Variants in SGCD observed in about 807,000 individuals in gnomAD.
SGCD encodes the protein delta-sarcoglycan.
Under a neutral mutation model 36.6 loss-of-function variants are expected in SGCD, and 18 were observed. The observed-to-expected ratio is 0.49, with a 90% CI of 0.34 to 0.73. SGCD has a LOEUF of 0.73. Ranked by LOEUF, SGCD falls within the 30% of genes least tolerant of loss-of-function variation. The pLI is 0.01. For synonymous variants in SGCD, 133 were observed against 130.6 expected (o/e 1.02, Z -0.12); for missense variants, 387 against 346.7 (o/e 1.12, Z -0.92).
chr5:156,390,293 G>A (rs1466586553), intron 3 of SGCD, among the ~76,000 whole-genome samples: 2 of 152,318 alleles, frequency 1.3e-5, no homozygotes, highest in East Asian at 3.9e-4. Flanking sequence ...CATCATAGGA[G>A]ATGACAACTT....
chr5:156,143,196 C>A (rs1561537396), intron 3 of SGCD, among the ~76,000 whole-genome samples: 2 of 152,196 alleles, frequency 1.3e-5, no homozygotes, highest in Non-Finnish European at 2.9e-5. Flanking sequence ...AAACTGTAAG[C>A]CTTGGTGGTT....
intron 3 of SGCD, among the ~76,000 whole-genome samples, chr5:156,280,923 G>A (rs1204168315): frequency 2.0e-5 from 3 of 152,122 alleles, no homozygotes; most frequent in African/African-American, 7.2e-5. Flanking sequence ...AACCCATAGA[G>A]CAAGGTTGCT....
chr5:155,947,358 T>G (rs1349746511), intron 1 of SGCD, among the ~76,000 whole-genome samples: 1 of 150,418 alleles, frequency 6.6e-6, no homozygotes, highest in Non-Finnish European at 1.5e-5. Flanking sequence ...GTTTTTTTTT[T>G]ATTATTAAGA....
At chr5:156,600,128 A>G (rs2113409013) in intron 6 of SGCD, among the ~76,000 whole-genome samples, 1 of 152,314 alleles carries the variant, frequency 6.6e-6, no homozygotes, top group African/African-American at 2.4e-5. Flanking sequence ...TAGCATATTC[A>G]ACACCTTGTG....
At chr5:156,298,432 A>T (rs1459128244) in intron 3 of SGCD, among the ~76,000 whole-genome samples, 1 of 152,112 alleles carries the variant, frequency 6.6e-6, no homozygotes, top group Non-Finnish European at 1.5e-5. Flanking sequence ...ACCAGCATTC[A>T]TTATGGCCTT....
chr5:156,000,816 T>TATA (rs201784739), intron 1 of SGCD, among the ~76,000 whole-genome samples: 69 of 148,444 alleles, frequency 4.6e-4, no homozygotes, highest in African/African-American at 1.8e-3. Context: ...ATATATATAT[T>TATA]TTTGCCCTCC....
At chr5:156,495,286 T>C (rs1399614333) in intron 3 of SGCD, among the ~76,000 whole-genome samples, 1 of 152,144 alleles carries the variant, frequency 6.6e-6, no homozygotes, top group Non-Finnish European at 1.5e-5. Context: ...TGATGCCATC[T>C]TTTGGAAGGC....
intron 2 of SGCD, among the ~76,000 whole-genome samples, chr5:156,342,887 T>C (rs1272943441): frequency 6.6e-6 from 1 of 152,242 alleles, no homozygotes; most frequent in Non-Finnish European, 1.5e-5. Flanking sequence ...TTCCATTCAA[T>C]CATTCCACAC....
chr5:155,843,271 T>C, the SGCD span, among the ~76,000 whole-genome samples: 1 of 152,200 alleles, frequency 6.6e-6, no homozygotes, highest in South Asian at 2.1e-4. Context: ...GGATAGCCAA[T>C]TTTTTCCTCA....
chr5:155,741,064 G>A, the SGCD span, among the ~76,000 whole-genome samples: 1 of 152,214 alleles, frequency 6.6e-6, no homozygotes, highest in Non-Finnish European at 1.5e-5. Flanking sequence ...ACATGGAAAG[G>A]TGGGACATCT....
chr5:155,791,053 T>G, the SGCD span, among the ~76,000 whole-genome samples: 1 of 152,286 alleles, frequency 6.6e-6, no homozygotes, highest in South Asian at 2.1e-4. Flanking sequence ...TAATCATTTT[T>G]AAAATTCTGC....
intron 4 of SGCD, among the ~76,000 whole-genome samples, chr5:156,569,986 T>G (rs1051136389): frequency 4.6e-5 from 7 of 152,126 alleles, no homozygotes; most frequent in African/African-American, 1.7e-4. Context: ...AAAAAGCCAT[T>G]GAAGGATTTT....
intron 3 of SGCD, among the ~76,000 whole-genome samples, chr5:156,431,208 G>A (rs1752996269): frequency 6.6e-6 from 1 of 152,176 alleles, no homozygotes; most frequent in Admixed American, 6.5e-5. Flanking sequence ...AGATCAGACA[G>A]GCACCTCTTT....
intron 3 of SGCD, among the ~76,000 whole-genome samples, chr5:156,316,178 G>A (rs975709358): frequency 6.6e-6 from 1 of 151,838 alleles, no homozygotes; most frequent in Non-Finnish European, 1.5e-5. Context: ...CTACACTATA[G>A]CAAACTTCCC....
chr5:155,929,671 G>A (rs1299506127), intron 1 of SGCD, among the ~76,000 whole-genome samples: 1 of 152,132 alleles, frequency 6.6e-6, no homozygotes, highest in African/African-American at 2.4e-5. Flanking sequence ...CTTCCAGGAT[G>A]TAGTCCTGAC....
intron 1 of SGCD, among the ~76,000 whole-genome samples, chr5:155,938,375 C>G (rs1757259239): frequency 6.6e-6 from 1 of 152,184 alleles, no homozygotes; most frequent in African/African-American, 2.4e-5. Context: ...TTTCATCTGA[C>G]AGCCCCTTCT....
At chr5:156,497,523 A>G (rs1202935031) in intron 3 of SGCD, among the ~76,000 whole-genome samples, 1 of 152,082 alleles carries the variant, frequency 6.6e-6, no homozygotes, top group Non-Finnish European at 1.5e-5. Flanking sequence ...GATTTTATAA[A>G]ACAGATGAGA....
intron 1 of SGCD, among the ~76,000 whole-genome samples, chr5:156,087,135 A>G (rs965956194): frequency 1.3e-5 from 2 of 152,232 alleles, no homozygotes; most frequent in Non-Finnish European, 2.9e-5. Context: ...ATTATCATCA[A>G]GGTCACAAGT....
At chr5:156,640,054 A>G (rs1762972318) in intron 6 of SGCD, among the ~76,000 whole-genome samples, 1 of 152,096 alleles carries the variant, frequency 6.6e-6, no homozygotes, top group South Asian at 2.1e-4. Context: ...AGGTCCTCTG[A>G]TGCTAGGCTA....
Sources: allele counts gnomAD v4.1 joint callset (sites outside exome capture counted in the v4.1 genomes callset), GRCh38; gene constraint gnomAD v4.1.1; transcripts MANE v1.5; gene names NCBI Gene and HGNC (gene_info 2026-07-23, HGNC 2026-07-21).